Variants in ABHD2 observed in about 807,000 individuals in gnomAD.
ABHD2 encodes the protein abhydrolase domain containing 2, acylglycerol lipase, also known as monoacylglycerol lipase ABHD2.
ABHD2 carries 20 observed loss-of-function variants against 48.1 expected under a neutral mutation model. That is an observed-to-expected ratio of 0.42 (90% CI 0.29 to 0.60). The LOEUF is 0.60. Ranked by LOEUF, ABHD2 falls within the 20% of genes least tolerant of loss-of-function variation. The pLI is 0.24. For missense variants in ABHD2, 405 were observed against 550.9 expected (o/e 0.74, Z 2.65); for synonymous variants, 209 against 214.2 (o/e 0.98, Z 0.21).
At chr15:89,135,507 T>C in intron 3 of ABHD2, 1 of 1,049,308 alleles carries the variant, frequency 9.5e-7, no homozygotes, top group South Asian at 1.3e-5. Flanking sequence ...GGTTAAATGC[T>C]TTATAGACGA....
the ABHD2 span, among the ~76,000 whole-genome samples, chr15:89,055,861 AT>A: frequency 1.3e-5 from 2 of 151,712 alleles, no homozygotes; most frequent in Admixed American, 1.3e-4. Flanking sequence ...GTGTAATGTG[AT>A]TTTTGCTTTT....
chr15:89,170,663 A>T (rs1005286440), intron 5 of ABHD2, among the ~76,000 whole-genome samples: 1 of 152,192 alleles, frequency 6.6e-6, no homozygotes, highest in African/African-American at 2.4e-5. Flanking sequence ...TCAACAGTGG[A>T]TGGACCAGAG....
chr15:89,170,532 ACATAC>A (rs2050908502), intron 5 of ABHD2, among the ~76,000 whole-genome samples: 1 of 152,192 alleles, frequency 6.6e-6, no homozygotes, highest in Non-Finnish European at 1.5e-5. Flanking sequence ...GTACATGTTT[ACATAC>A]ATATGCAGTA....
the ABHD2 span, among the ~76,000 whole-genome samples, chr15:89,077,026 A>C: frequency 6.6e-6 from 1 of 152,090 alleles, no homozygotes; most frequent in African/African-American, 2.4e-5. Flanking sequence ...TTACCTACAC[A>C]CAGAAAAGTA....
chr15:89,111,607 A>G (rs959566544), intron 1 of ABHD2, among the ~76,000 whole-genome samples: 1 of 152,202 alleles, frequency 6.6e-6, no homozygotes. Context: ...CAAGAAGGGA[A>G]AAGGGCAGAC....
chr15:89,156,983 T>A (rs1230549001), intron 5 of ABHD2, among the ~76,000 whole-genome samples: 2 of 152,242 alleles, frequency 1.3e-5, no homozygotes, highest in African/African-American at 4.8e-5. Flanking sequence ...TCTGTCTTTA[T>A]CAATGTCTAC....
the ABHD2 span, among the ~76,000 whole-genome samples, chr15:89,047,671 T>C: frequency 0.015 from 2,313 of 151,174 alleles, 52 homozygotes; most frequent in African/African-American, 0.054. Context: ...TTGTCTCTTT[T>C]GATCTTTGTT....
At chr15:89,123,235 T>C (rs2050079288) in intron 3 of ABHD2, among the ~76,000 whole-genome samples, 1 of 152,202 alleles carries the variant, frequency 6.6e-6, no homozygotes, top group Non-Finnish European at 1.5e-5. Flanking sequence ...CATAAGAGAA[T>C]GGGAGGAGCC....
intron 5 of ABHD2, among the ~76,000 whole-genome samples, chr15:89,165,428 C>T (rs916652031): frequency 6.6e-6 from 1 of 151,850 alleles, no homozygotes; most frequent in Non-Finnish European, 1.5e-5. Flanking sequence ...TGAAGAACAC[C>T]TACAAGAGTA....
chr15:89,132,630 T>G (rs541551538), intron 3 of ABHD2, among the ~76,000 whole-genome samples: 2 of 152,350 alleles, frequency 1.3e-5, no homozygotes, highest in African/African-American at 4.8e-5. Flanking sequence ...GATATGAAAT[T>G]AAGAGGACTC....
In ABHD2 at chr15:89,197,564, G is replaced by A. The variant is rs2051426474; in HGVS notation, c.*2141G>A. The A allele has an allele frequency of 6.6e-6, 1 of 152,252 alleles. No homozygotes were observed. The highest frequency in any genetic ancestry group is 2.1e-4 in the South Asian group (1 of 4,834). 9.4% of individuals were successfully genotyped at this position (152,252 alleles called of 1,614,324 possible). A position where few individuals can be genotyped will look rare whatever the true frequency, so the allele number is the denominator to read the frequency against. ...GAATCACCACCCCAGAAGAGCGAGA[G>A]GCTCCTTTCATATGCCTGAGGCCAC... On this transcript the variant is annotated 3_prime_UTR_variant, in exon 11 of 11. Coordinates refer to ENST00000352732, the MANE Select transcript of ABHD2 (RefSeq NM_152924.5). The surrounding 1 kb of genome is among the most constrained non-coding windows in gnomAD (Gnocchi z 4.4).
intron 3 of ABHD2, among the ~76,000 whole-genome samples, chr15:89,144,715 T>A (rs77563664): frequency 0.022 from 3,283 of 152,336 alleles, 58 homozygotes; most frequent in Non-Finnish European, 0.031. Context: ...GACTGCTTCA[T>A]GCATACAGGC....
In ABHD2 at chr15:89,120,577, C is replaced by T. The variant is rs1156776734; in HGVS notation, c.194+4056C>T. On this transcript the variant is annotated intron_variant, in intron 3 of 10. Coordinates refer to ENST00000352732, the MANE Select transcript of ABHD2 (RefSeq NM_152924.5). This position sits in a 1 kb window ranked among gnomAD's most constrained non-coding sequence, Gnocchi z 4.2. ...TCTCGGTTCACTGCAACTTCTGCCT[C>T]ACGGGTTCAAGTGATTCTCCTACCT... 6.6e-6 allele frequency among the ~76,000 whole-genome samples: 1 copy of T among 152,136 alleles called. No individual in the cohort carries two copies. The highest frequency in any genetic ancestry group is 1.5e-5 in the Non-Finnish European group (1 of 68,028).
At chr15:89,118,662 C>A (rs1464323518) in intron 3 of ABHD2, among the ~76,000 whole-genome samples, 3 of 152,028 alleles carry the variant, frequency 2.0e-5, no homozygotes, top group Non-Finnish European at 2.9e-5. Flanking sequence ...AAATTTCCAC[C>A]CAGCATTGGT....
intron 5 of ABHD2, among the ~76,000 whole-genome samples, chr15:89,171,730 G>T (rs973562962): frequency 6.6e-6 from 1 of 152,164 alleles, no homozygotes; most frequent in Non-Finnish European, 1.5e-5. Flanking sequence ...GGGTGGCCCA[G>T]AGATGAGAGA....
At chr15:89,078,041 T>C in the ABHD2 span, among the ~76,000 whole-genome samples, 2 of 152,202 alleles carry the variant, frequency 1.3e-5, no homozygotes, top group Admixed American at 1.3e-4. Flanking sequence ...TAAAGTAAAT[T>C]TACCTTTCTC....
chr15:89,178,409 C>T (rs2051052082), intron 6 of ABHD2, among the ~76,000 whole-genome samples: 2 of 152,220 alleles, frequency 1.3e-5, no homozygotes, highest in Non-Finnish European at 2.9e-5. Context: ...AAGTGCTTCC[C>T]ATCACACCAA....
the ABHD2 span, among the ~76,000 whole-genome samples, chr15:89,075,724 G>C: frequency 1.3e-5 from 2 of 152,178 alleles, no homozygotes; most frequent in Admixed American, 6.5e-5. The surrounding 1 kb of genome is among the most constrained non-coding windows in gnomAD (Gnocchi z 4.1). Context: ...CAAGCGCTGG[G>C]AGAGGACAGA....
the ABHD2 span, among the ~76,000 whole-genome samples, chr15:89,062,788 T>C: frequency 2.6e-5 from 4 of 152,112 alleles, no homozygotes; most frequent in Middle Eastern, 3.2e-3. Context: ...AGCTGTTCGA[T>C]TATCACATGA....
Sources: gnomAD v4.1 joint callset for allele counts (sites outside exome capture counted in the v4.1 genomes callset) on GRCh38, gnomAD v4.1.1 for gene constraint, Gnocchi (gnomAD v3.1) non-coding constraint, MANE v1.5 for transcripts, NCBI Gene and HGNC (gene_info 2026-07-23, HGNC 2026-07-21) for gene names.